The following KIAA1586 variants were observed in gnomAD, a reference collection of about 807,000 sequenced individuals.
KIAA1586 encodes the protein E3 SUMO-protein ligase KIAA1586.
KIAA1586 carries 5 observed loss-of-function variants against 6.1 expected under a neutral mutation model. That is an observed-to-expected ratio of 0.82 (90% CI 0.43 to 1.73). The LOEUF is 1.73. KIAA1586 is among the 40% of genes most tolerant of loss of function. The pLI, the probability that KIAA1586 is intolerant of heterozygous loss-of-function variation, is 0.02. For missense variants in KIAA1586, 899 were observed against 878.2 expected, an observed-to-expected ratio of 1.02 and a Z score of -0.30; for synonymous variants, 280 against 301.7, an observed-to-expected ratio of 0.93 and a Z score of 0.75.
chr6:57,054,199 TA>T lies in KIAA1586; in HGVS notation c.1705del (p.Ile569LeufsTer13), dbSNP rs1192298056. On this transcript the variant is annotated frameshift_variant, in exon 4 of 4. Coordinates refer to ENST00000370733, the MANE Select transcript of KIAA1586 (RefSeq NM_020931.4). LOFTEE classifies it low-confidence loss of function (END_TRUNC). ...CGTACCATAAGAGCTTTGGAAAATT[TA>T]AAAATTGGTACTGGAAAGTATGAAT... ...IKRTIRALEN[L>X]KIGTGKYESQ... The T allele has an allele frequency of 6.3e-7, 1 of 1,591,836 alleles. No individual in the cohort carries two copies. The highest frequency in any genetic ancestry group is 8.5e-7 in the Non-Finnish European group (1 of 1,172,694).
the KIAA1586 span, among the ~76,000 whole-genome samples, chr6:57,061,820 C>T: frequency 1.3e-5 from 2 of 151,748 alleles, no homozygotes; most frequent in Non-Finnish European, 2.9e-5. Flanking sequence ...TAAATAATTA[C>T]AATCTTCGCA....
chr6:57,058,951 C>G (rs547644278), downstream of KIAA1586, among the ~76,000 whole-genome samples: 2 of 152,136 alleles, frequency 1.3e-5, no homozygotes, highest in African/African-American at 4.8e-5. Flanking sequence ...GCTTTTGGTC[C>G]AAAGTCAAAT....
rs140387788 is a variant in KIAA1586 at position 57,053,844 on chromosome 6, T to C, written c.1345T>C (p.Ser449Pro). 2.0e-6 allele frequency: 3 copies of C among 1,508,138 alleles called. No individual in the cohort carries two copies. The highest frequency in any genetic ancestry group is 2.8e-5 in the African/African-American group (2 of 70,478). The allele number at this position is 1,508,138 out of a possible 1,614,324, so 93.4% of individuals were successfully genotyped here. Reference sequence around the variant, plus strand: ...AAAAATATTTATTGATAAAATTTATTCTATTTATCATCAACCTAATAAAAA... The same window carrying C: ...AAAAATATTTATTGATAAAATTTATCCTATTTATCATCAACCTAATAAAAA... ...HLKIFIDKIYSIYHQPNKNQT... is the reference protein window; with the variant it reads ...HLKIFIDKIYPIYHQPNKNQT... The change falls in exon 4 of 4, where the codon TCT becomes CCT. Residue 449 changes from serine (S) to proline (P), a missense_variant. Transcript: ENST00000370733.
rs2127910029 is a variant in KIAA1586, at chr6:57,053,107, T to C, written c.608T>C (p.Leu203Pro). 1.2e-6 allele frequency: 2 copies of C among 1,608,196 alleles called. No individual in the cohort carries two copies. The highest frequency in any genetic ancestry group is 4.5e-5 in the East Asian group (2 of 44,838). Reference protein sequence around the residue: ...GSNKTTRQASLRKKIREHDVS... With the variant: ...GSNKTTRQASPRKKIREHDVS... The stretch of plus-strand genomic sequence containing the variant: ...AATAAAACTACTAGGCAAGCTTCTC[T>C]ACGAAAAAAAATTAGGGAACATGAT... The change falls in exon 4 of 4, where the codon CTA becomes CCA. Residue 203 changes from leucine to proline, a missense_variant. Leu to Pro is a moderately conservative substitution (Grantham distance 98). Transcript: ENST00000370733.
intron 3 of KIAA1586, among the ~76,000 whole-genome samples, chr6:57,052,415 T>G (rs1828352637): frequency 6.6e-6 from 1 of 152,162 alleles, no homozygotes; most frequent in African/African-American, 2.4e-5. Flanking sequence ...CATACTCATT[T>G]GCGAAACATA....
downstream of KIAA1586, among the ~76,000 whole-genome samples, chr6:57,060,031 T>C (rs996462296): frequency 2.0e-5 from 3 of 152,226 alleles, no homozygotes; most frequent in East Asian, 1.9e-4. Flanking sequence ...AATACTAATA[T>C]ATCCTTCATA....
Position 57,052,900 on chromosome 6 carries a change from CAGATTGTTGGA to C in KIAA1586, c.403_413del (p.Asp135Ter). The stretch of plus-strand genomic sequence containing the variant: ...AAAGAAATAGATAATCTTGTGCTTC[CAGATTGTTGGA>C]ATGAAAAACAAGCATTTATGTTTAC... On this transcript the variant is annotated frameshift_variant, in exon 4 of 4. Transcript: ENST00000370733. LOFTEE classifies it low-confidence loss of function (END_TRUNC). The C allele has an allele frequency of 6.2e-7, 1 of 1,612,334 alleles. No individual in the cohort carries two copies.
the KIAA1586 span, among the ~76,000 whole-genome samples, chr6:57,061,490 T>G: frequency 6.6e-6 from 1 of 152,082 alleles, no homozygotes; most frequent in Admixed American, 6.5e-5. Flanking sequence ...ACTTCCAGAC[T>G]TGGGCAGTCC....
chr6:57,054,321 G>A lies in KIAA1586; in HGVS notation c.1822G>A (p.Asp608Asn). The change falls in exon 4 of 4, where the codon GAC becomes AAC. Residue 608 changes from aspartate (D) to asparagine (N), a missense_variant. By Grantham distance (23) the Asp-to-Asn change is conservative. Transcript: ENST00000370733. The part of the protein sequence containing the change: ...FNALPRSILL[D>N]NIIQHMNLRL... ...TGCTCTTCCTAGGAGTATATTACTAGACAATATAATTCAGCACATGAACCT... is the reference window on the plus strand; with the variant it reads ...TGCTCTTCCTAGGAGTATATTACTAAACAATATAATTCAGCACATGAACCT... 1 of 1,588,182 alleles carries A rather than the reference G, an allele frequency of 6.3e-7. No homozygotes were observed. Among genetic ancestry groups the A allele is most frequent in the Non-Finnish European group, 8.5e-7 (1 of 1,170,322 alleles).
chr6:57,060,101 ATT>A (rs1593054130), downstream of KIAA1586, among the ~76,000 whole-genome samples: 10 of 152,218 alleles, frequency 6.6e-5, 1 homozygote, highest in South Asian at 2.1e-3. Context: ...TTAGGAAGAC[ATT>A]CAGACAACAA....
At position 57,054,618 on chromosome 6, in the gene KIAA1586, G is replaced by T; in HGVS notation, c.2119G>T (p.Ala707Ser). The part of the protein sequence containing the change: ...VSTIAINSAE[A>S]ERGFNLMNII... ...CACCATTGCAATCAATAGTGCTGAA[G>T]CTGAAAGGGGTTTCAATTTAATGAA... is the stretch of plus-strand genomic sequence containing the variant. The change falls in exon 4 of 4, where the codon GCT becomes TCT. Residue 707 changes from alanine (A) to serine (S), a missense_variant. Physicochemically the swap from Ala to Ser is moderately conservative, Grantham distance 99 (BLOSUM62 1). Coordinates refer to ENST00000370733, the MANE Select transcript of KIAA1586 (RefSeq NM_020931.4). 1 of 1,597,374 alleles carries T rather than the reference G, an allele frequency of 6.3e-7. No individual in the cohort carries two copies. The highest frequency in any genetic ancestry group is 1.1e-5 in the South Asian group (1 of 89,304).
Position 57,054,041 on chromosome 6 carries a change from G to A in KIAA1586, c.1542G>A (p.Ala514=), listed in dbSNP as rs751835703. The stretch of plus-strand genomic sequence containing the variant: ...TTTCTCATTCTTACTCTGGTTTGGC[G>A]AAGAGATTAGCTAACATTAATTTCT... ...MHFSHSYSGL[A]KRLANINFLQ... The change falls in exon 4 of 4, where the codon GCG becomes GCA. Residue 514 remains alanine, a synonymous_variant. Transcript: ENST00000370733. 14 of 1,610,286 alleles carry A rather than the reference G, an allele frequency of 8.7e-6. No homozygotes were observed. The highest frequency in any genetic ancestry group is 3.4e-5 in the Admixed American group (2 of 59,544).
chr6:57,048,129 T>TG (rs113056486), intron 2 of KIAA1586, among the ~76,000 whole-genome samples: 1,937 of 151,350 alleles, frequency 0.013, 129 homozygotes, highest in African/African-American at 0.046. Flanking sequence ...TGATATATTT[T>TG]GGGGTGATTT....
chr6:57,057,625 G>T (rs1023767226), downstream of KIAA1586, among the ~76,000 whole-genome samples: 1 of 151,936 alleles, frequency 6.6e-6, no homozygotes, highest in Non-Finnish European at 1.5e-5. Context: ...ATGGTGGCAG[G>T]TGCCTGTAGT....
At chr6:57,056,943 G>A (rs998464350), downstream of KIAA1586, among the ~76,000 whole-genome samples, 4 of 151,972 alleles carry the variant, frequency 2.6e-5, no homozygotes, top group African/African-American at 9.7e-5. Context: ...AAATTACAAG[G>A]CCTTGCTGGG....
At chr6:57,060,770 C>T in the KIAA1586 span, among the ~76,000 whole-genome samples, 1 of 151,942 alleles carries the variant, frequency 6.6e-6, no homozygotes, top group African/African-American at 2.4e-5. Flanking sequence ...AACAGATAAC[C>T]AAAATTGTTA....
At chr6:57,057,993 C>T (rs1476064912), downstream of KIAA1586, among the ~76,000 whole-genome samples, 3 of 151,970 alleles carry the variant, frequency 2.0e-5, no homozygotes, top group African/African-American at 7.3e-5. Context: ...CAGGGTTTCC[C>T]CATGATGCCC....
chr6:57,057,179 G>A (rs1828511785), downstream of KIAA1586, among the ~76,000 whole-genome samples: 1 of 150,566 alleles, frequency 6.6e-6, no homozygotes, highest in Admixed American at 6.6e-5. Flanking sequence ...AGTGAGCAGA[G>A]ATCACACCAC....
the KIAA1586 span, among the ~76,000 whole-genome samples, chr6:57,062,184 G>A: frequency 2.0e-5 from 3 of 152,128 alleles, no homozygotes; most frequent in Admixed American, 2.0e-4. Context: ...ACTGACCTTG[G>A]CCTCCAAAAG....
Sources: allele counts gnomAD v4.1 joint callset (sites outside exome capture counted in the v4.1 genomes callset), GRCh38; gene constraint gnomAD v4.1.1; transcripts MANE v1.5; gene names NCBI Gene and HGNC (gene_info 2026-07-23, HGNC 2026-07-21).